Variants in ZCCHC24 observed in about 807,000 individuals in gnomAD.
ZCCHC24 encodes the protein zinc finger CCHC domain-containing protein 24.
Under a neutral mutation model 26.2 loss-of-function variants are expected in ZCCHC24, and 10 were observed. The ratio of observed to expected loss-of-function variants is 0.38; its 90% CI spans 0.24 to 0.65. The LOEUF is 0.65. Among genes scored for constraint, ZCCHC24 ranks in the 30% least tolerant of loss-of-function variants. The pLI is 0.54. For missense variants in ZCCHC24, 243 were observed against 329.1 expected, an observed-to-expected ratio of 0.74 and a Z score of 2.03; for synonymous variants, 144 against 147.1, an observed-to-expected ratio of 0.98 and a Z score of 0.15.
intron 2 of ZCCHC24, among the ~76,000 whole-genome samples, chr10:79,431,776 T>TA (rs1240228521): frequency 6.6e-6 from 1 of 151,946 alleles, no homozygotes; most frequent in Non-Finnish European, 1.5e-5. Flanking sequence ...TGCCACATTA[T>TA]AAAAAAAGTT....
At chr10:79,413,787 A>T (rs1382352691) in intron 2 of ZCCHC24, among the ~76,000 whole-genome samples, 180 of 117,604 alleles carry the variant, frequency 1.5e-3, no homozygotes, top group African/African-American at 3.9e-3. Context: ...TGTGAGAGAG[A>T]GAGAGAGAGA....
rs546131898 is a variant in ZCCHC24 at position 79,442,565 on chromosome 10, G to A, written c.246+2630C>T. On this transcript the variant is annotated intron_variant, in intron 1 of 3. Coordinates refer to ENST00000372336, the MANE Select transcript of ZCCHC24 (RefSeq NM_153367.4). ...GGCTCTTGGCACAGGGGTTGGCGCA[G>A]ACAGGCCGTGGTCAGTGGTCAGCAT... Among the ~76,000 whole-genome samples, 52 of 152,196 alleles carry A rather than the reference G, an allele frequency of 3.4e-4. 1 individual carries two copies. Among genetic ancestry groups the A allele is most frequent in the Non-Finnish European group, 6.6e-4 (45 of 68,026 alleles).
In ZCCHC24 at chr10:79,383,814, G is replaced by C. The variant is rs1856356340; in HGVS notation, c.*2531C>G. On this transcript the variant is annotated 3_prime_UTR_variant, in exon 4 of 4. Coordinates refer to ENST00000372336, the MANE Select transcript of ZCCHC24 (RefSeq NM_153367.4). ...TATTTTTTTAAAAAAGGAATTCTGT[G>C]TCAAGTATAACTCAAAATAAATACA... is the stretch of plus-strand genomic sequence containing the variant. 1 of 152,446 alleles carries C rather than the reference G, an allele frequency of 6.6e-6. No homozygotes were observed. Among genetic ancestry groups the C allele is most frequent in the Non-Finnish European group, 1.5e-5 (1 of 68,010 alleles). 9.4% of individuals were successfully genotyped at this position (152,446 alleles called of 1,614,324 possible).
At chr10:79,407,765 G>A (rs940017369) in intron 2 of ZCCHC24, among the ~76,000 whole-genome samples, 3 of 152,246 alleles carry the variant, frequency 2.0e-5, no homozygotes, top group African/African-American at 4.8e-5. Flanking sequence ...AGCTGGGAGT[G>A]GAGCGCAGGG....
In ZCCHC24 at chr10:79,441,733, C is replaced by G. The variant is rs879340065; in HGVS notation, c.246+3462G>C. Among the ~76,000 whole-genome samples, 7 of 152,196 alleles carry G rather than the reference C, an allele frequency of 4.6e-5. No homozygotes were observed. In the East Asian group the frequency reaches 1.3e-3, roughly 29 times the overall value. On this transcript the variant is annotated intron_variant, in intron 1 of 3. Transcript: ENST00000372336. ...AAATGTATTTGACCACAAAGTCCCT[C>G]CCCCAACATTCACAAAGTGGGGGTC...
At chr10:79,410,547 T>C (rs1373286716) in intron 2 of ZCCHC24, among the ~76,000 whole-genome samples, 1 of 152,146 alleles carries the variant, frequency 6.6e-6, no homozygotes, top group Non-Finnish European at 1.5e-5. Flanking sequence ...TGGAGCAGCC[T>C]GTGCAAAGGG....
At chr10:79,389,997 G>A (rs1469617179) in intron 3 of ZCCHC24, among the ~76,000 whole-genome samples, 1 of 152,136 alleles carries the variant, frequency 6.6e-6, no homozygotes, top group African/African-American at 2.4e-5. Flanking sequence ...CCAAGTAGCT[G>A]GGACCACAGG....
At chr10:79,400,345 G>C (rs1018856382) in intron 2 of ZCCHC24, among the ~76,000 whole-genome samples, 1 of 152,188 alleles carries the variant, frequency 6.6e-6, no homozygotes, top group Non-Finnish European at 1.5e-5. Context: ...AACAATGCCC[G>C]GGTTCCCTAA....
Position 79,386,294 on chromosome 10 carries a change from G to C in ZCCHC24, c.*51C>G, listed in dbSNP as rs781504524. 3.2e-6 allele frequency: 5 copies of C among 1,551,812 alleles called. No individual in the cohort carries two copies. The highest frequency in any genetic ancestry group is 4.4e-6 in the Non-Finnish European group (5 of 1,132,540). ...CCCCTCGGAGTAGCACAGGGAAGCA[G>C]CGTCTCCTCGGGCTGGCGGGGGGTG... On this transcript the variant is annotated 3_prime_UTR_variant, in exon 4 of 4. Transcript: ENST00000372336.
intron 1 of ZCCHC24, among the ~76,000 whole-genome samples, chr10:79,439,370 C>T (rs1230260466): frequency 6.6e-6 from 1 of 152,080 alleles, no homozygotes; most frequent in Non-Finnish European, 1.5e-5. Context: ...TGAGACAAAA[C>T]AAAAGGTGAA....
chr10:79,404,978 C>G (rs1856690530), intron 2 of ZCCHC24, among the ~76,000 whole-genome samples: 1 of 152,214 alleles, frequency 6.6e-6, no homozygotes, highest in African/African-American at 2.4e-5. Context: ...CCAGGGGCAC[C>G]CTGGTCTCCC....
intron 2 of ZCCHC24, among the ~76,000 whole-genome samples, chr10:79,427,749 C>A (rs989344384): frequency 2.6e-5 from 4 of 152,188 alleles, no homozygotes; most frequent in African/African-American, 9.6e-5. Context: ...CACAATGGAT[C>A]ATGCCTGTAA....
chr10:79,432,606 C>A lies in ZCCHC24; in HGVS notation c.399G>T (p.Leu133=), dbSNP rs536853137. Residue 133 remains leucine (L), a synonymous_variant, in exon 2 of 4, where the codon CTG becomes CTT. Coordinates refer to ENST00000372336, the MANE Select transcript of ZCCHC24 (RefSeq NM_153367.4). The part of the protein sequence containing the change: ...KPSKRPPPNY[L]CHLCFNKGHY... ...GTCCTTTGTTGAAGCACAGGTGGCA[C>A]AGGTAGTTGGGTGGGGGCCGCTTGC... is the stretch of plus-strand genomic sequence containing the variant. 6.2e-7 allele frequency: 1 copy of A among 1,607,688 alleles called. No individual in the cohort carries two copies. The highest frequency in any genetic ancestry group is 8.5e-7 in the Non-Finnish European group (1 of 1,177,014).
At chr10:79,406,028 T>C (rs1856707156) in intron 2 of ZCCHC24, among the ~76,000 whole-genome samples, 4 of 152,226 alleles carry the variant, frequency 2.6e-5, no homozygotes, top group Non-Finnish European at 5.9e-5. Context: ...TTTCCATCTC[T>C]GGGTGAGCGC....
At chr10:79,401,612 G>C (rs916104700) in intron 2 of ZCCHC24, among the ~76,000 whole-genome samples, 1 of 152,206 alleles carries the variant, frequency 6.6e-6, no homozygotes, top group Non-Finnish European at 1.5e-5. Flanking sequence ...ATGGGTCCTG[G>C]CATGCTGGGG....
At chr10:79,416,335 G>T (rs972703391) in intron 2 of ZCCHC24, among the ~76,000 whole-genome samples, 1 of 152,178 alleles carries the variant, frequency 6.6e-6, no homozygotes, top group Non-Finnish European at 1.5e-5. Flanking sequence ...ACCTATGGCT[G>T]GTTAGAACCA....
At chr10:79,434,480 C>A (rs4980080) in intron 1 of ZCCHC24, among the ~76,000 whole-genome samples, 46,261 of 152,052 alleles carry the variant, frequency 0.3, 7,334 homozygotes, top group East Asian at 0.38. Context: ...AACCACATCA[C>A]AGGATAACAG....
chr10:79,408,242 C>T (rs190399843), intron 2 of ZCCHC24, among the ~76,000 whole-genome samples: 56 of 152,338 alleles, frequency 3.7e-4, no homozygotes, highest in Non-Finnish European at 6.0e-4. Flanking sequence ...CCCAGCTTAG[C>T]TCCCTGCTCT....
At chr10:79,394,065 C>T (rs1182844093) in intron 3 of ZCCHC24, among the ~76,000 whole-genome samples, 1 of 152,232 alleles carries the variant, frequency 6.6e-6, no homozygotes, top group African/African-American at 2.4e-5. Context: ...ACTAGTTTTA[C>T]AATTCCCCGG....
Sources: gnomAD v4.1 joint callset for allele counts (sites outside exome capture counted in the v4.1 genomes callset) on GRCh38, gnomAD v4.1.1 for gene constraint, MANE v1.5 for transcripts, NCBI Gene and HGNC (gene_info 2026-07-23, HGNC 2026-07-21) for gene names.